MTSS2: variants seen among roughly 807,000 people sequenced by gnomAD.
The protein encoded by MTSS2 is protein MTSS 2.
A neutral mutation model predicts 67.1 loss-of-function variants in MTSS2; 27 were observed. That is an observed-to-expected ratio of 0.40 (90% confidence interval 0.30 to 0.55). MTSS2 has a LOEUF of 0.55. Among genes scored for constraint, MTSS2 ranks in the 20% least tolerant of loss-of-function variants. The pLI, the probability that MTSS2 is intolerant of heterozygous loss-of-function variation, is 0.43. For synonymous variants in MTSS2, 624 were observed against 468.6 expected (o/e 1.33, Z -4.28); for missense variants, 1,171 against 1,067.8 (o/e 1.10, Z -1.35).
At chr16:70,668,635 T>A (rs1338545265) in intron 11 of MTSS2, among the ~76,000 whole-genome samples, 1 of 152,158 alleles carries the variant, frequency 6.6e-6, no homozygotes, top group Non-Finnish European at 1.5e-5. Flanking sequence ...TCTGTTCAAA[T>A]CTTAACCCCC....
intron 7 of MTSS2, 130 bp from the exon 8 acceptor site, chr16:70,678,539 T>C: frequency 9.2e-7 from 1 of 1,082,644 alleles, no homozygotes; most frequent in Non-Finnish European, 1.3e-6. Flanking sequence ...GCCAGGGGAC[T>C]GCGGAGGGCA....
intron 12 of MTSS2, 157 bp from the exon 13 acceptor site, chr16:70,665,253 C>CA: frequency 2.1e-6 from 2 of 959,498 alleles, no homozygotes; most frequent in Non-Finnish European, 3.0e-6. Flanking sequence ...GTGACTGTGG[C>CA]CCCTCAGTCC....
chr16:70,685,401 C>A (rs989981927), intron 1 of MTSS2, among the ~76,000 whole-genome samples: 2 of 152,198 alleles, frequency 1.3e-5, no homozygotes, highest in Non-Finnish European at 2.9e-5. Flanking sequence ...CGTTAAAGGG[C>A]CCTAGAGTCG....
intron 4 of MTSS2, 38 bp downstream of exon 4, chr16:70,679,933 T>TCCCCCCCCCCCCCCCCCCCCC: frequency 2.6e-6 from 3 of 1,149,432 alleles, no homozygotes; most frequent in Non-Finnish European, 3.7e-6. Flanking sequence ...CGACGCCCCG[T>TCCCCCCCCCCCCCCCCCCCCC]CCCCCCGCCC....
At chr16:70,668,913 C>A (rs78238908) in intron 11 of MTSS2, among the ~76,000 whole-genome samples, 3,667 of 152,172 alleles carry the variant, frequency 0.024, 158 homozygotes, top group African/African-American at 0.082. Context: ...TTTGTTACGG[C>A]AGTCCAAATT....
At chr16:70,666,168 C>A (rs568953678) in intron 11 of MTSS2, among the ~76,000 whole-genome samples, 1 of 151,998 alleles carries the variant, frequency 6.6e-6, no homozygotes, top group South Asian at 2.1e-4. Context: ...AGGAGAGTCC[C>A]GTAAAGGAGA....
chr16:70,679,911 C>G (rs535564130), intron 4 of MTSS2, 34 bp from the exon 5 acceptor site: 35 of 1,549,950 alleles, frequency 2.3e-5, no homozygotes, highest in Admixed American at 1.7e-4. Context: ...AGGTCAGGGC[C>G]GGGCTCCCCC....
At chr16:70,668,405 C>CAAAA (rs36009172) in intron 11 of MTSS2, among the ~76,000 whole-genome samples, 4 of 140,988 alleles carry the variant, frequency 2.8e-5, no homozygotes, top group Non-Finnish European at 1.5e-5. Context: ...GAGACTGTAT[C>CAAAA]AAAAAAAAAA....
In MTSS2 at chr16:70,662,461, C is replaced by T. The variant is rs2052521045; in HGVS notation, c.*1216G>A. On this transcript the variant is annotated 3_prime_UTR_variant, in exon 15 of 15. Coordinates refer to ENST00000338779, the MANE Select transcript of MTSS2 (RefSeq NM_138383.3). ...GGGGGCCGTGCTGGGATGGCATCTC[C>T]TCCGGCAACAGAGAGTCAAAGCCAA... 6.6e-6 allele frequency: 1 copy of T among 152,336 alleles called. No homozygotes were observed. The highest frequency in any genetic ancestry group is 2.1e-4 in the South Asian group (1 of 4,840). 9.4% of individuals were successfully genotyped at this position (152,336 alleles called of 1,614,324 possible).
chr16:70,675,569 C>G (rs1444734466), intron 10 of MTSS2, among the ~76,000 whole-genome samples: 1 of 152,162 alleles, frequency 6.6e-6, no homozygotes, highest in East Asian at 1.9e-4. Flanking sequence ...CACACACCAC[C>G]ATGCCCGGCT....
chr16:70,681,089 C>T (rs543563574), intron 1 of MTSS2, 64 bp from the exon 2 acceptor site: 44 of 1,479,150 alleles, frequency 3.0e-5, no homozygotes, highest in East Asian at 1.2e-4. Flanking sequence ...TGACCTGGGC[C>T]GGGCTCCCTG....
chr16:70,671,303 T>C (rs2052928106), intron 11 of MTSS2, among the ~76,000 whole-genome samples: 1 of 150,920 alleles, frequency 6.6e-6, no homozygotes, highest in Non-Finnish European at 1.5e-5. Flanking sequence ...CTTAGGAGGC[T>C]GAGGCAGGGG....
At chr16:70,665,741 C>CTACAAAGAATAAAGAAAAAAGCAG in intron 11 of MTSS2, 1 of 526,194 alleles carries the variant, frequency 1.9e-6, no homozygotes, top group South Asian at 2.5e-5. Context: ...AGAGTGCACA[C>CTACAAAGAATAAAGAAAAAAGCAG]GGTGAACGCT....
At chr16:70,676,612 C>T (rs1453702347) in intron 10 of MTSS2, among the ~76,000 whole-genome samples, 6 of 152,214 alleles carry the variant, frequency 3.9e-5, no homozygotes, top group Non-Finnish European at 4.4e-5. Flanking sequence ...GCATAAAGCA[C>T]TTAGCACAGC....
rs142400663 is a variant in MTSS2, at chr16:70,671,654, G to C, written c.1053+2652C>G. 2.0e-5 allele frequency among the ~76,000 whole-genome samples: 3 copies of C among 152,230 alleles called. No individual in the cohort carries two copies. In the East Asian group the frequency reaches 5.8e-4, roughly 29 times the overall value. On this transcript the variant is annotated intron_variant, in intron 11 of 14. Transcript: ENST00000338779. ...CCAAAATTAGAGAGCAAAAGTACAA[G>C]GAGAAACAGGACATTTTCATCCTCT...
chr16:70,685,771 C>CT lies in MTSS2; in HGVS notation c.20dup (p.Cys8ValfsTer55). The CT allele has an allele frequency of 2.9e-6, 4 of 1,389,440 alleles. No individual in the cohort carries two copies. The highest frequency in any genetic ancestry group is 3.8e-6 in the Non-Finnish European group (4 of 1,052,256). The allele number at this position is 1,389,440 out of a possible 1,614,324, so 86.1% of individuals were successfully genotyped here. A position where few individuals can be genotyped will look rare whatever the true frequency, so the allele number is the denominator to read the frequency against. On this transcript the variant is annotated frameshift_variant, in exon 1 of 15. Coordinates refer to ENST00000338779, the MANE Select transcript of MTSS2 (RefSeq NM_138383.3). LOFTEE classifies it high-confidence loss of function. ...GGAAGAGCCCGCCCAGGGCGCCGCACTCCTTCTCCGCCGTCTCCATGCTCT... is the reference window on the plus strand; with the variant it reads ...GGAAGAGCCCGCCCAGGGCGCCGCACTTCCTTCTCCGCCGTCTCCATGCTCT...
rs753791624 is a variant in MTSS2, at chr16:70,664,465, A to G, written c.1472-16T>C. On this transcript the variant is annotated splice_polypyrimidine_tract_variant and intron_variant, in intron 14 of 14. Coordinates refer to ENST00000338779, the MANE Select transcript of MTSS2 (RefSeq NM_138383.3). ...TAGTCGGAGCCTGGGGGCACGGGAC[A>G]CAGTGAGGCCCAGGGCCCAGGTGGC... 6 of 1,538,542 alleles carry G rather than the reference A, an allele frequency of 3.9e-6. No individual in the cohort carries two copies. The East Asian group carries it at 1.4e-4, about 35-fold the overall frequency.
chr16:70,663,562 C>G lies in MTSS2; in HGVS notation c.*115G>C. ...GTGTCTTTCCATAAAGTGGCATGGC[C>G]TCTGCCCTGGCTCTGTCCTCTCTCC... On this transcript the variant is annotated 3_prime_UTR_variant, in exon 15 of 15. Coordinates refer to ENST00000338779, the MANE Select transcript of MTSS2 (RefSeq NM_138383.3). 1.4e-6 allele frequency: 2 copies of G among 1,432,190 alleles called. No individual in the cohort carries two copies. Among genetic ancestry groups the G allele is most frequent in the Non-Finnish European group, 9.1e-7 (1 of 1,093,034 alleles). 88.7% of individuals were successfully genotyped at this position (1,432,190 alleles called of 1,614,324 possible).
rs1011975787 is a variant in MTSS2 at position 70,661,709 on chromosome 16, A to AG, written c.*1967dup. On this transcript the variant is annotated 3_prime_UTR_variant, in exon 15 of 15. Coordinates refer to ENST00000338779, the MANE Select transcript of MTSS2 (RefSeq NM_138383.3). ...GTACAGCCCCCGGGGCTCACAGGGG[A>AG]GGGGGACGGCGGAGTCGGTGGGGGC... The AG allele has an allele frequency of 1.2e-4, 27 of 231,782 alleles. No individual in the cohort carries two copies. In the South Asian group the frequency reaches 1.2e-3, roughly 11 times the overall value. 14.4% of individuals were successfully genotyped at this position (231,782 alleles called of 1,614,324 possible).
Sources: allele counts gnomAD v4.1 joint callset (sites outside exome capture counted in the v4.1 genomes callset), GRCh38; gene constraint gnomAD v4.1.1; transcripts MANE v1.5; gene names NCBI Gene and HGNC (gene_info 2026-07-23, HGNC 2026-07-21).